CCDC40: variants seen among roughly 807,000 people sequenced by gnomAD.
CCDC40 encodes the protein coiled-coil domain-containing protein 40.
A neutral mutation model predicts 124.5 loss-of-function variants in CCDC40; 104 were observed. The ratio of observed to expected loss-of-function variants is 0.84; its 90% CI spans 0.71 to 0.98. The LOEUF is 0.98. Ranked by LOEUF, CCDC40 falls within the 50% of genes least tolerant of loss-of-function variation. The pLI, the probability that CCDC40 is intolerant of heterozygous loss-of-function variation, is 0.00. For synonymous variants in CCDC40, 580 were observed against 602.9 expected, an observed-to-expected ratio of 0.96 and a Z score of 0.56; for missense variants, 1,463 against 1,503.9, an observed-to-expected ratio of 0.97 and a Z score of 0.45.
intron 9 of CCDC40, among the ~76,000 whole-genome samples, chr17:80,059,248 G>A (rs1374855870): frequency 6.6e-6 from 1 of 152,212 alleles, no homozygotes; most frequent in Non-Finnish European, 1.5e-5. Flanking sequence ...TGACCGCCAA[G>A]GCCAGCTTGC....
intron 12 of CCDC40, among the ~76,000 whole-genome samples, chr17:80,082,472 C>G (rs956237466): frequency 6.6e-6 from 1 of 151,926 alleles, no homozygotes; most frequent in Non-Finnish European, 1.5e-5. Context: ...TGCCTCTTCC[C>G]GAGGGGTGAC....
Position 80,050,192 on chromosome 17 carries a change from G to C in CCDC40, c.1068G>C (p.Ser356=), listed in dbSNP as rs377156300. ...EKSHDRHAMA[S]SERRQKEEEL... ...GTCACGACCGCCACGCAATGGCCTC[G>C]AGCGAGCGCAGGCAGAAGGAGGAGG... is the stretch of plus-strand genomic sequence containing the variant. Residue 356 remains serine (S), a synonymous_variant, in exon 7 of 20, where the codon TCG becomes TCC. Transcript: ENST00000397545. 3 of 1,612,084 alleles carry C rather than the reference G, an allele frequency of 1.9e-6. No individual in the cohort carries two copies. Among genetic ancestry groups the C allele is most frequent in the South Asian group, 2.2e-5 (2 of 90,914 alleles).
At chr17:80,061,617 G>A (rs912104497) in intron 9 of CCDC40, among the ~76,000 whole-genome samples, 5 of 152,172 alleles carry the variant, frequency 3.3e-5, no homozygotes, top group Non-Finnish European at 7.3e-5. Flanking sequence ...CCAGGGAAGG[G>A]GGCCGCCCGC....
At chr17:80,068,695 C>T (rs1433119271) in intron 10 of CCDC40, among the ~76,000 whole-genome samples, 1 of 152,036 alleles carries the variant, frequency 6.6e-6, no homozygotes, top group Non-Finnish European at 1.5e-5. Context: ...GACCCCCTGG[C>T]CCAGAAGCTT....
At chr17:80,054,739 C>T (rs1420059193) in intron 7 of CCDC40, among the ~76,000 whole-genome samples, 2 of 152,096 alleles carry the variant, frequency 1.3e-5, no homozygotes, top group Non-Finnish European at 2.9e-5. Flanking sequence ...TTTGGGAGGC[C>T]GAGGCGGGCA....
chr17:80,091,108 G>C (rs1294548162), intron 17 of CCDC40, among the ~76,000 whole-genome samples: 1 of 152,120 alleles, frequency 6.6e-6, no homozygotes, highest in Non-Finnish European at 1.5e-5. Context: ...GCACAGGCAG[G>C]GCTTGCCTTG....
intron 3 of CCDC40, among the ~76,000 whole-genome samples, chr17:80,041,684 A>G (rs1263219147): frequency 5.9e-5 from 9 of 152,014 alleles, no homozygotes; most frequent in East Asian, 5.8e-4. Context: ...TTCCTTGACA[A>G]CCTTGACCCT....
At chr17:80,094,042 T>G (rs2038763294) in intron 17 of CCDC40, among the ~76,000 whole-genome samples, 1 of 152,176 alleles carries the variant, frequency 6.6e-6, no homozygotes, top group Non-Finnish European at 1.5e-5. Flanking sequence ...CTGCTTATCT[T>G]CGGGATTCTT....
rs1469707636 is a variant in CCDC40 at position 80,049,996 on chromosome 17, A to G, written c.939+7A>G. 4 of 1,613,924 alleles carry G rather than the reference A, an allele frequency of 2.5e-6. No individual in the cohort carries two copies. In the South Asian group the frequency reaches 4.4e-5, roughly 18 times the overall value. ...GCTGGACCTCCAAGAGCTGGTGTGT[A>G]TCCGTCCAGTCTCCCACCCTGGTCG... On this transcript the variant is annotated splice_region_variant and intron_variant, in intron 6 of 19. Coordinates refer to ENST00000397545, the MANE Select transcript of CCDC40 (RefSeq NM_017950.4).
At chr17:80,046,720 G>C (rs540406082) in intron 3 of CCDC40, among the ~76,000 whole-genome samples, 53 of 152,216 alleles carry the variant, frequency 3.5e-4, no homozygotes, top group Admixed American at 5.9e-4. Context: ...AAAAGCCTCG[G>C]CTCCTGGCCA....
intron 9 of CCDC40, among the ~76,000 whole-genome samples, chr17:80,061,285 G>T (rs1028990354): frequency 1.3e-5 from 2 of 152,202 alleles, no homozygotes; most frequent in African/African-American, 4.8e-5. Flanking sequence ...GGCAGAAGTT[G>T]CAGTGAGCCG....
intron 10 of CCDC40, among the ~76,000 whole-genome samples, chr17:80,073,685 G>T (rs1474918501): frequency 6.6e-6 from 1 of 152,074 alleles, no homozygotes; most frequent in Non-Finnish European, 1.5e-5. Flanking sequence ...AGAGTCTCAT[G>T]CCTCTCACTT....
chr17:80,067,889 C>T (rs918141930), intron 10 of CCDC40: 15 of 1,364,246 alleles, frequency 1.1e-5, no homozygotes, highest in Admixed American at 3.2e-5. Flanking sequence ...TTTTATAAAA[C>T]GTGCATGCGC....
At position 80,048,714 on chromosome 17, in the gene CCDC40, G is replaced by A. The variant is rs2037495944; in HGVS notation, c.808G>A (p.Glu270Lys). 4 of 1,613,788 alleles carry A rather than the reference G, an allele frequency of 2.5e-6. No individual in the cohort carries two copies. Among genetic ancestry groups the A allele is most frequent in the African/African-American group, 1.3e-5 (1 of 74,920 alleles). ...ERVESEGSDE[E>K]AEDEGSQLVV... ...AGTGGAGTCCGAGGGGAGTGACGAG[G>A]AAGCAGAAGACGAAGGGTCCCAGCT... Residue 270 changes from glutamate to lysine, a missense_variant, in exon 5 of 20, where the codon GAA becomes AAA. Glu to Lys is a moderately conservative substitution (Grantham distance 56). Transcript: ENST00000397545.
chr17:80,082,311 G>T (rs2038472184), intron 12 of CCDC40, among the ~76,000 whole-genome samples: 1 of 150,216 alleles, frequency 6.7e-6, no homozygotes. Context: ...GACCTGGAGT[G>T]TGACTTCGAC....
chr17:80,066,113 C>G lies in CCDC40; in HGVS notation c.1562+507C>G, dbSNP rs1010858805. 1 of 702,848 alleles carries G rather than the reference C, an allele frequency of 1.4e-6. No individual in the cohort carries two copies. Among genetic ancestry groups the G allele is most frequent in the Non-Finnish European group, 2.6e-6 (1 of 385,002 alleles). 43.5% of individuals were successfully genotyped at this position (702,848 alleles called of 1,614,324 possible). On this transcript the variant is annotated intron_variant, in intron 10 of 19. Transcript: ENST00000397545. This position sits in a 1 kb window ranked among gnomAD's most constrained non-coding sequence, Gnocchi z 4.4. ...TGGAGACACAGGTGCTGCCTTCATT[C>G]CTAAAACCACCCAGGGTGACCAGGT... is the stretch of plus-strand genomic sequence containing the variant.
At chr17:80,064,899 C>T (rs2037996697) in intron 9 of CCDC40, among the ~76,000 whole-genome samples, 1 of 152,076 alleles carries the variant, frequency 6.6e-6, no homozygotes, top group South Asian at 2.1e-4. Context: ...CCATCATGGC[C>T]TCCCTACAGG....
chr17:80,041,378 C>T (rs774236346), intron 3 of CCDC40, among the ~76,000 whole-genome samples: 4 of 152,030 alleles, frequency 2.6e-5, no homozygotes, highest in African/African-American at 4.8e-5. Flanking sequence ...CGTGGTGGTG[C>T]ACACCTGTAA....
In CCDC40 at chr17:80,099,855, T is replaced by C; in HGVS notation, c.*80T>C. The C allele has an allele frequency of 3.3e-6, 5 of 1,532,852 alleles. No individual in the cohort carries two copies. The highest frequency in any genetic ancestry group is 3.6e-6 in the Non-Finnish European group (4 of 1,124,356). 95.0% of individuals were successfully genotyped at this position (1,532,852 alleles called of 1,614,324 possible). ...TTTGTCATGAGGGACTTGGAATCTT[T>C]TGTGTTCCTAAAAACCACATGTACC... is the stretch of plus-strand genomic sequence containing the variant. On this transcript the variant is annotated 3_prime_UTR_variant, in exon 20 of 20. Coordinates refer to ENST00000397545, the MANE Select transcript of CCDC40 (RefSeq NM_017950.4).
Sources: gnomAD v4.1 joint callset for allele counts (sites outside exome capture counted in the v4.1 genomes callset) on GRCh38, gnomAD v4.1.1 for gene constraint, Gnocchi (gnomAD v3.1) non-coding constraint, MANE v1.5 for transcripts, NCBI Gene and HGNC (gene_info 2026-07-23, HGNC 2026-07-21) for gene names.